KLHL4: variants seen among roughly 807,000 people sequenced by gnomAD.
The protein encoded by KLHL4 is kelch like family member 4, also known as kelch-like protein 4.
In KLHL4, 17 loss-of-function variants were observed where a neutral mutation model predicts 45.8. The ratio of observed to expected loss-of-function variants is 0.37; its 90% confidence interval spans 0.25 to 0.56. The LOEUF (loss-of-function observed/expected upper bound fraction) is 0.56. Among genes scored for constraint, KLHL4 ranks in the 20% least tolerant of loss-of-function variants. The pLI is 0.79. For synonymous variants in KLHL4, 224 were observed against 189.9 expected (o/e 1.18, Z -1.47); for missense variants, 544 against 544.9 (o/e 1.00, Z 0.02).
At chrX:87,545,473 G>A (rs1931655539) in intron 1 of KLHL4, among the ~76,000 whole-genome samples, 1 of 105,901 alleles carries the variant, frequency 9.4e-6, no homozygotes, top group South Asian at 4.3e-4. Flanking sequence ...TGCCATGTAA[G>A]ACGTGCCTGC....
chrX:87,625,852 A>G (rs895367569), intron 6 of KLHL4, 56 bp downstream of exon 6: 18 of 947,412 alleles, frequency 1.9e-5, no homozygotes, highest in Non-Finnish European at 2.5e-5. Flanking sequence ...AACAGCCTCC[A>G]AATTATAAGG....
intron 9 of KLHL4, among the ~76,000 whole-genome samples, chrX:87,651,943 A>C (rs1197156746): frequency 8.9e-6 from 1 of 112,497 alleles, no homozygotes; most frequent in Non-Finnish European, 1.9e-5. Context: ...TGAGGGCCCT[A>C]TTCCTGCAAC....
intron 1 of KLHL4, among the ~76,000 whole-genome samples, chrX:87,584,251 G>A (rs1051952250): frequency 4.5e-5 from 5 of 111,502 alleles, no homozygotes; most frequent in Non-Finnish European, 7.5e-5. Flanking sequence ...CTATAACTAA[G>A]CCCAGACAAT....
At chrX:87,520,605 A>G (rs1311250235) in intron 1 of KLHL4, among the ~76,000 whole-genome samples, 1 of 112,415 alleles carries the variant, frequency 8.9e-6, no homozygotes, top group Admixed American at 9.5e-5. Context: ...ATGTATTCAT[A>G]TGAAATTGAA....
intron 9 of KLHL4, among the ~76,000 whole-genome samples, chrX:87,654,152 A>T (rs6652462): frequency 0.021 from 2,310 of 111,454 alleles, 64 homozygotes; most frequent in African/African-American, 0.072. Context: ...AAAATAAAAT[A>T]AAATTTAAAA....
At chrX:87,530,798 G>C (rs1489885368) in intron 1 of KLHL4, among the ~76,000 whole-genome samples, 3 of 103,602 alleles carry the variant, frequency 2.9e-5, no homozygotes, top group Non-Finnish European at 5.9e-5. Context: ...TAATGGGATG[G>C]CTGGGTCAAA....
intron 1 of KLHL4, among the ~76,000 whole-genome samples, chrX:87,526,530 G>T (rs1459288906): frequency 8.9e-6 from 1 of 112,037 alleles, no homozygotes; most frequent in Non-Finnish European, 1.9e-5. Flanking sequence ...GGCATTCAAA[G>T]AAAAGAAAGT....
intron 9 of KLHL4, among the ~76,000 whole-genome samples, chrX:87,654,296 C>G (rs1407895145): frequency 3.6e-5 from 4 of 111,306 alleles, no homozygotes; most frequent in Non-Finnish European, 5.7e-5. Context: ...TCACCACCCT[C>G]CACCTGCCTC....
chrX:87,603,724 T>C (rs1450143435), intron 1 of KLHL4, among the ~76,000 whole-genome samples: 1 of 110,683 alleles, frequency 9.0e-6, no homozygotes, highest in Non-Finnish European at 1.9e-5. Flanking sequence ...TGTATTTATT[T>C]CTTTGTGCTG....
Position 87,633,888 on chromosome X carries a change from T to G in KLHL4, c.1689T>G (p.Val563=). The change falls in exon 8 of 11, where the codon GTT becomes GTG. Residue 563 remains valine (V), a synonymous_variant. Transcript: ENST00000373119. ...GTATGTCAACTCCTAGAAGCACAGTTGGTGTTGTTGCATTAAACAACAAGT... is the reference window on the plus strand; with the variant it reads ...GTATGTCAACTCCTAGAAGCACAGTGGGTGTTGTTGCATTAAACAACAAGT... ...VASMSTPRST[V]GVVALNNKLY... The G allele has an allele frequency of 8.3e-7, 1 of 1,204,830 alleles. No individual in the cohort carries two copies. Among genetic ancestry groups the G allele is most frequent in the African/African-American group, 1.7e-5 (1 of 57,479 alleles).
intron 9 of KLHL4, among the ~76,000 whole-genome samples, chrX:87,637,087 CA>C (rs1923286459): frequency 9.0e-6 from 1 of 111,276 alleles, no homozygotes; most frequent in African/African-American, 3.3e-5. Context: ...ACCCTCAGAG[CA>C]TACTTCACTC....
At chrX:87,541,652 C>A (rs969187601) in intron 1 of KLHL4, among the ~76,000 whole-genome samples, 1 of 111,118 alleles carries the variant, frequency 9.0e-6, no homozygotes, top group Admixed American at 9.6e-5. Context: ...TCAATTAAAT[C>A]TCTTTTGTTT....
At chrX:87,583,733 A>T (rs926684824) in intron 1 of KLHL4, among the ~76,000 whole-genome samples, 4 of 110,987 alleles carry the variant, frequency 3.6e-5, no homozygotes, top group Non-Finnish European at 7.6e-5. Flanking sequence ...TTCAGGTAAG[A>T]CTCAGCACAT....
At chrX:87,594,471 CAT>C (rs772976681) in intron 1 of KLHL4, among the ~76,000 whole-genome samples, 13 of 111,744 alleles carry the variant, frequency 1.2e-4, no homozygotes, top group Non-Finnish European at 1.9e-4. Flanking sequence ...CATCTGCCCT[CAT>C]GTGTTAAACT....
chrX:87,570,613 A>G (rs1932317576), intron 1 of KLHL4, among the ~76,000 whole-genome samples: 1 of 111,008 alleles, frequency 9.0e-6, no homozygotes, highest in Non-Finnish European at 1.9e-5. Context: ...TAGAGAGAGT[A>G]AAAGAAGGAG....
chrX:87,643,261 G>A (rs1315434754), intron 9 of KLHL4, among the ~76,000 whole-genome samples: 3 of 111,194 alleles, frequency 2.7e-5, no homozygotes, highest in Non-Finnish European at 5.7e-5. Flanking sequence ...AAGATCCTCC[G>A]AGGGTACTAT....
At chrX:87,586,794 A>G (rs1376962075) in intron 1 of KLHL4, among the ~76,000 whole-genome samples, 3 of 111,547 alleles carry the variant, frequency 2.7e-5, no homozygotes, top group Non-Finnish European at 5.7e-5. Flanking sequence ...AAAATAAATG[A>G]CATTGAAATG....
At chrX:87,593,716 A>G (rs1404150093) in intron 1 of KLHL4, among the ~76,000 whole-genome samples, 1 of 110,760 alleles carries the variant, frequency 9.0e-6, no homozygotes, top group Non-Finnish European at 1.9e-5. Context: ...GACAGTTTCT[A>G]TTGATGATCT....
At chrX:87,559,679 C>T (rs746157334) in intron 1 of KLHL4, among the ~76,000 whole-genome samples, 1 of 111,322 alleles carries the variant, frequency 9.0e-6, no homozygotes, top group Admixed American at 9.6e-5. Context: ...ATTCAATAAA[C>T]ATTTAGAATG....
Sources: allele counts gnomAD v4.1 joint callset (sites outside exome capture counted in the v4.1 genomes callset), GRCh38; gene constraint gnomAD v4.1.1; transcripts MANE v1.5; gene names NCBI Gene and HGNC (gene_info 2026-07-23, HGNC 2026-07-21).